Variants in PLAC1 observed in about 807,000 individuals in gnomAD.
The protein encoded by PLAC1 is placenta associated 1.
For synonymous variants in PLAC1, 68 were observed against 62.1 expected (o/e 1.09, Z -0.44); for missense variants, 136 against 163.2 (o/e 0.83, Z 0.91).
intron 1 of PLAC1, among the ~76,000 whole-genome samples, chrX:134,741,038 T>C (rs1398425691): frequency 2.7e-5 from 3 of 112,587 alleles, no homozygotes; most frequent in Non-Finnish European, 5.6e-5. Flanking sequence ...TTCTGTTTCT[T>C]GATCTGGGTA....
chrX:134,585,997 T>C (rs1177342235), intron 2 of PLAC1, among the ~76,000 whole-genome samples: 4 of 112,361 alleles, frequency 3.6e-5, no homozygotes. Flanking sequence ...TGATGGAACT[T>C]AGCATTTGAG....
At chrX:134,680,430 C>T in intron 2 of PLAC1, among the ~76,000 whole-genome samples, 1 of 110,956 alleles carries the variant, frequency 9.0e-6, no homozygotes, top group Non-Finnish European at 1.9e-5. Flanking sequence ...AGCTGTTAAG[C>T]AGTGAATAGA....
At chrX:134,642,628 C>T (rs1463215006) in intron 1 of PLAC1, among the ~76,000 whole-genome samples, 1 of 110,997 alleles carries the variant, frequency 9.0e-6, no homozygotes, top group Non-Finnish European at 1.9e-5. Flanking sequence ...TCCTGAAAGA[C>T]ATGATGCATA....
chrX:134,755,259 C>T (rs950894773), intron 1 of PLAC1, among the ~76,000 whole-genome samples: 41 of 112,123 alleles, frequency 3.7e-4, no homozygotes, highest in African/African-American at 1.3e-3. Context: ...CTTGCCTCCA[C>T]GTTACTCATT....
intron 2 of PLAC1, among the ~76,000 whole-genome samples, chrX:134,727,674 A>G (rs2078678335): frequency 1.8e-5 from 2 of 112,429 alleles, no homozygotes; most frequent in Non-Finnish European, 3.8e-5. Flanking sequence ...GCTCAGGAGG[A>G]CAGAGAATCT....
intron 2 of PLAC1, among the ~76,000 whole-genome samples, chrX:134,598,100 A>G (rs753319510): frequency 1.8e-5 from 2 of 112,436 alleles, no homozygotes; most frequent in African/African-American, 3.2e-5. Flanking sequence ...CATCTACTCC[A>G]TCTTTCTAAA....
intron 1 of PLAC1, among the ~76,000 whole-genome samples, chrX:134,641,921 G>C (rs1481301806): frequency 1.8e-5 from 2 of 112,502 alleles, no homozygotes. Flanking sequence ...AGGGAATTGA[G>C]AGGAAAGATG....
intron 1 of PLAC1, among the ~76,000 whole-genome samples, chrX:134,754,758 C>CTTTTTTTTTTTT (rs760098539): frequency 4.2e-4 from 28 of 66,108 alleles, no homozygotes; most frequent in South Asian, 1.1e-3. Context: ...ATTTATTGTT[C>CTTTTTTTTTTTT]TTTTTTTTTT....
chrX:134,677,014 A>G (rs1482029914), intron 2 of PLAC1, among the ~76,000 whole-genome samples: 2 of 112,823 alleles, frequency 1.8e-5, no homozygotes, highest in Non-Finnish European at 3.7e-5. Flanking sequence ...GAATAGTAGC[A>G]GTAAGTGCTA....
chrX:134,681,690 T>A (rs1223489474), intron 2 of PLAC1, among the ~76,000 whole-genome samples: 1 of 111,285 alleles, frequency 9.0e-6, no homozygotes, highest in Non-Finnish European at 1.9e-5. Flanking sequence ...ATCTTTTGCT[T>A]AATTCACTGA....
intron 1 of PLAC1, among the ~76,000 whole-genome samples, chrX:134,757,866 G>A (rs753712507): frequency 9.0e-6 from 1 of 111,193 alleles, no homozygotes; most frequent in Non-Finnish European, 1.9e-5. Flanking sequence ...ATGTAAACAA[G>A]TGTTTAATCT....
At chrX:134,702,785 G>A (rs943759578) in intron 2 of PLAC1, among the ~76,000 whole-genome samples, 3 of 112,133 alleles carry the variant, frequency 2.7e-5, no homozygotes, top group Non-Finnish European at 3.8e-5. Flanking sequence ...GTGAATGCTC[G>A]AAGCTAGTAG....
At chrX:134,580,304 G>A (rs1231283670) in intron 2 of PLAC1, among the ~76,000 whole-genome samples, 2 of 112,148 alleles carry the variant, frequency 1.8e-5, no homozygotes, top group Admixed American at 9.5e-5. Context: ...AGGAAGGAGG[G>A]AAATGGATAT....
chrX:134,649,631 T>C (rs2078352559), intron 1 of PLAC1, among the ~76,000 whole-genome samples: 1 of 112,028 alleles, frequency 8.9e-6, no homozygotes, highest in Non-Finnish European at 1.9e-5. Flanking sequence ...CCATGTGGAA[T>C]GAAGAGGAAA....
intron 1 of PLAC1, among the ~76,000 whole-genome samples, chrX:134,631,760 C>T (rs934548578): frequency 3.6e-5 from 4 of 111,989 alleles, no homozygotes; most frequent in African/African-American, 1.3e-4. Context: ...ACTAACACTT[C>T]TCATCTGTGA....
At chrX:134,719,596 C>T (rs181786491) in intron 2 of PLAC1, among the ~76,000 whole-genome samples, 5 of 111,089 alleles carry the variant, frequency 4.5e-5, no homozygotes, top group South Asian at 3.8e-4. Flanking sequence ...TTGAGACCAG[C>T]CTGGCCAACA....
rs376170313 is a variant in PLAC1, at chrX:134,587,396, A to AAAATAAATAAAT, written c.-59+14643_-59+14654dup. 6.8e-3 allele frequency among the ~76,000 whole-genome samples: 718 copies of AAAATAAATAAAT among 105,111 alleles called. 10 individuals are homozygous for AAAATAAATAAAT. The highest frequency in any genetic ancestry group is 0.02 in the African/African-American group (583 of 29,535). The allele number at this position is 105,111 out of a possible 115,157, so 91.3% of individuals were successfully genotyped here. A position where few individuals can be genotyped will look rare whatever the true frequency, so the allele number is the denominator to read the frequency against. ...ACAAAATGAGACCCCTGTCTTTACA[A>AAAATAAATAAAT]AAATAAATAAATAAATAAATAAATA... On this transcript the variant is annotated intron_variant, in intron 2 of 2. Coordinates refer to ENST00000359237, the MANE Select transcript of PLAC1 (RefSeq NM_021796.4).
At chrX:134,740,413 T>C (rs1424193504) in intron 1 of PLAC1, among the ~76,000 whole-genome samples, 1 of 110,274 alleles carries the variant, frequency 9.1e-6, no homozygotes, top group Admixed American at 9.7e-5. Flanking sequence ...CTCATGAGCA[T>C]GATGTTACGA....
At chrX:134,592,916 C>T (rs190488387) in intron 2 of PLAC1, among the ~76,000 whole-genome samples, 165 of 108,850 alleles carry the variant, frequency 1.5e-3, no homozygotes, top group Non-Finnish European at 2.9e-3. Flanking sequence ...TTAGTAGAGA[C>T]GGGGGTTTCA....
Sources: allele counts gnomAD v4.1 joint callset (sites outside exome capture counted in the v4.1 genomes callset), GRCh38; gene constraint gnomAD v4.1.1; transcripts MANE v1.5; gene names NCBI Gene and HGNC (gene_info 2026-07-23, HGNC 2026-07-21).